AFDN: variants seen among roughly 807,000 people sequenced by gnomAD.
The protein encoded by AFDN is afadin.
AFDN carries 68 observed loss-of-function variants against 216.6 expected under a neutral mutation model. The ratio of observed to expected loss-of-function variants is 0.31; its 90% CI spans 0.26 to 0.38. The LOEUF (loss-of-function observed/expected upper bound fraction) is 0.38, where lower values mean the gene tolerates loss of function less well. Among genes scored for constraint, AFDN ranks in the 10% least tolerant of loss-of-function variants. The pLI is 1.00. For missense variants in AFDN, 2,136 were observed against 2,342.0 expected, an observed-to-expected ratio of 0.91 and a Z score of 1.82; for synonymous variants, 868 against 853.7, an observed-to-expected ratio of 1.02 and a Z score of -0.29.
At chr6:167,891,451 G>GT (rs1787595723) in intron 8 of AFDN, among the ~76,000 whole-genome samples, 4 of 146,304 alleles carry the variant, frequency 2.7e-5, no homozygotes, top group South Asian at 2.2e-4. Context: ...GTGTGTGTGT[G>GT]GCTGTTGTTT....
At chr6:167,857,163 C>T (rs1190926438) in intron 1 of AFDN, among the ~76,000 whole-genome samples, 1 of 151,910 alleles carries the variant, frequency 6.6e-6, no homozygotes, top group East Asian at 1.9e-4. Flanking sequence ...TTCGTAGGAA[C>T]CAGTATGGCT....
chr6:167,826,634 C>G (rs1383974813), upstream of AFDN: 5 of 500,290 alleles, frequency 1.0e-5, no homozygotes, highest in Non-Finnish European at 1.6e-5. Context: ...TTAGATCCAG[C>G]AGCGCGCGTC....
In AFDN at chr6:167,849,317, G is replaced by C. The variant is rs141473867; in HGVS notation, c.106-15234G>C. On this transcript the variant is annotated intron_variant, in intron 1 of 33. Coordinates refer to ENST00000683244, the MANE Select transcript of AFDN (RefSeq NM_001386888.1). ...TTGTATCATGTAATGTAACTTGTGG[G>C]GGGGGAGAGATTTCCAGCAACATGT... 9.7e-3 allele frequency among the ~76,000 whole-genome samples: 1,482 copies of C among 152,168 alleles called. 19 individuals carry two copies. The highest frequency in any genetic ancestry group is 0.014 in the Middle Eastern group (4 of 294).
At chr6:167,954,603 C>A in intron 30 of AFDN, 1 of 840,838 alleles carries the variant, frequency 1.2e-6, no homozygotes, top group Non-Finnish European at 1.8e-6. Flanking sequence ...TTAGGGGTGT[C>A]CTCCATCAGG....
At chr6:167,878,477 A>G (rs1175221190) in intron 5 of AFDN, among the ~76,000 whole-genome samples, 1 of 152,272 alleles carries the variant, frequency 6.6e-6, no homozygotes, top group East Asian at 1.9e-4. Context: ...TCCAAAAGCC[A>G]GGATCTTCTT....
At chr6:167,845,074 C>G (rs937057766) in intron 1 of AFDN, among the ~76,000 whole-genome samples, 3 of 152,048 alleles carry the variant, frequency 2.0e-5, no homozygotes, top group Admixed American at 6.5e-5. Flanking sequence ...GTTGCCCACA[C>G]TGGTCTTGAA....
At position 167,948,307 on chromosome 6, in the gene AFDN, G is replaced by T. The variant is rs149816688; in HGVS notation, c.3660G>T (p.Pro1220=). ...GNLCTEEQTP[P]PRPEAYPIPT... is the part of the protein sequence containing the mutation. Reference sequence around the variant, plus strand: ...ACATTTTACAGGAGCAGACGCCTCCGCCTAGACCTGAAGCCTACCCCATCC... The same window carrying T: ...ACATTTTACAGGAGCAGACGCCTCCTCCTAGACCTGAAGCCTACCCCATCC... Residue 1220 remains proline (P), a synonymous_variant, in exon 29 of 34, where the codon CCG becomes CCT. Transcript: ENST00000683244. 3.1e-6 allele frequency: 5 copies of T among 1,613,120 alleles called. No individual in the cohort carries two copies. Among genetic ancestry groups the T allele is most frequent in the Middle Eastern group, 1.7e-4 (1 of 6,056 alleles).
intron 4 of AFDN, among the ~76,000 whole-genome samples, chr6:167,875,021 G>T (rs1583241201): frequency 6.6e-6 from 1 of 152,054 alleles, no homozygotes; most frequent in Non-Finnish European, 1.5e-5. Flanking sequence ...CTGTTTTAGG[G>T]TAACACTGGT....
intron 29 of AFDN, among the ~76,000 whole-genome samples, chr6:167,949,033 C>T (rs1431798330): frequency 6.6e-6 from 1 of 152,206 alleles, no homozygotes; most frequent in Non-Finnish European, 1.5e-5. Context: ...AGATCTAAGG[C>T]AGTGAAGATA....
In AFDN at chr6:167,914,665, A is replaced by G. The variant is rs145249167; in HGVS notation, c.2226A>G (p.Gln742=). The G allele has an allele frequency of 7.1e-4, 1,138 of 1,612,960 alleles. 9 individuals are homozygous for G. In the African/African-American group the frequency reaches 0.013, roughly 19 times the overall value. Residue 742 remains glutamine, a synonymous_variant, in exon 18 of 34, where the codon CAA becomes CAG. Transcript: ENST00000683244. Reference sequence around the variant, plus strand: ...TCAGATACTTGGTTCACTGTCTTCAATCAGAACTTAATAATTACATGCCAG... The same window carrying G: ...TCAGATACTTGGTTCACTGTCTTCAGTCAGAACTTAATAATTACATGCCAG... ...MAFKYLVHCL[Q]SELNNYMPAF... is the part of the protein sequence containing the mutation.
At chr6:167,869,402 A>G (rs566231269) in intron 2 of AFDN, among the ~76,000 whole-genome samples, 1 of 152,348 alleles carries the variant, frequency 6.6e-6, no homozygotes, top group South Asian at 2.1e-4. Context: ...GGACTTTAAG[A>G]TAAAGAAAGA....
Position 167,911,409 on chromosome 6 carries a change from G to A in AFDN, c.1957G>A (p.Asp653Asn), listed in dbSNP as rs747460486. 2 of 1,614,116 alleles carry A rather than the reference G, an allele frequency of 1.2e-6. No individual in the cohort carries two copies. Among genetic ancestry groups the A allele is most frequent in the Non-Finnish European group, 1.7e-6 (2 of 1,180,026 alleles). ...RYVLSNQYRPDISPTERTHKV... is the reference protein window; with the variant it reads ...RYVLSNQYRPNISPTERTHKV... ...TGTATTGTCCAACCAGTACAGACCT[G>A]ACATCAGCCCTACAGAGCGCACACA... The change falls in exon 15 of 34, where the codon GAC becomes AAC. Residue 653 changes from aspartate (D) to asparagine (N), a missense_variant. By Grantham distance (23) the Asp-to-Asn change is conservative. Around this residue, in one of 8 missense-constraint regions of AFDN, gnomAD observed 817 missense variants for 965.7 expected, o/e 0.85. Coordinates refer to ENST00000683244, the MANE Select transcript of AFDN (RefSeq NM_001386888.1).
chr6:167,887,755 G>A (rs1436050247), intron 6 of AFDN, among the ~76,000 whole-genome samples: 3 of 152,050 alleles, frequency 2.0e-5, no homozygotes, highest in Non-Finnish European at 4.4e-5. Context: ...ACTGTGCCTG[G>A]CCCAGGTTGC....
chr6:167,925,806 C>CT (rs1792447604), intron 23 of AFDN, among the ~76,000 whole-genome samples: 1 of 152,164 alleles, frequency 6.6e-6, no homozygotes, highest in Non-Finnish European at 1.5e-5. Flanking sequence ...ATTATGTTTG[C>CT]TTAGAATGAA....
chr6:167,914,196 C>G lies in AFDN; in HGVS notation c.2087C>G (p.Ala696Gly). ...CAGAAGAATATTGCAGGGGCACTTG[C>G]CTTCTGGATGGCAAATGCATCTGAA... is the stretch of plus-strand genomic sequence containing the variant. ...QKQKNIAGAL[A>G]FWMANASELL... is the part of the protein sequence containing the mutation. Residue 696 changes from alanine to glycine, a missense_variant, in exon 17 of 34, where the codon GCC (alanine) becomes GGC (glycine). Ala to Gly is a moderately conservative substitution (Grantham distance 60). This residue lies in a region of AFDN where 817 missense variants were observed against 965.7 expected (regional missense o/e 0.85). Coordinates refer to ENST00000683244, the MANE Select transcript of AFDN (RefSeq NM_001386888.1). 6.2e-7 allele frequency: 1 copy of G among 1,614,114 alleles called. No homozygotes were observed. Among genetic ancestry groups the G allele is most frequent in the Non-Finnish European group, 8.5e-7 (1 of 1,180,000 alleles).
At chr6:167,926,938 T>G (rs1229302630) in intron 23 of AFDN, among the ~76,000 whole-genome samples, 1 of 152,182 alleles carries the variant, frequency 6.6e-6, no homozygotes, top group African/African-American at 2.4e-5. Flanking sequence ...AAGAACAATT[T>G]TTTTTTACCG....
chr6:167,834,092 G>T (rs547975625), intron 1 of AFDN, among the ~76,000 whole-genome samples: 14 of 152,138 alleles, frequency 9.2e-5, no homozygotes, highest in Middle Eastern at 3.4e-3. Flanking sequence ...GAAAAACTTG[G>T]AATTTTTTTT....
rs1298510058 is a variant in AFDN, at chr6:167,902,352, A to G, written c.1616A>G (p.Asp539Gly). ...VQETTFDLGG[D>G]IHSGTALPTS... ...GAGACAACTTTTGATTTGGGAGGAGATATTCATAGTGGGACAGCATTACCG... is the reference window on the plus strand; with the variant it reads ...GAGACAACTTTTGATTTGGGAGGAGGTATTCATAGTGGGACAGCATTACCG... Residue 539 changes from aspartate to glycine, a missense_variant, in exon 12 of 34, where the codon GAT (aspartate) becomes GGT (glycine). By Grantham distance (94) the Asp-to-Gly change is moderately conservative. Coordinates refer to ENST00000683244, the MANE Select transcript of AFDN (RefSeq NM_001386888.1). The G allele has an allele frequency of 1.2e-6, 2 of 1,613,034 alleles. No individual in the cohort carries two copies. The highest frequency in any genetic ancestry group is 1.7e-4 in the Middle Eastern group (1 of 6,056).
chr6:167,943,120 T>C lies in AFDN; in HGVS notation c.3100-9T>C. On this transcript the variant is annotated splice_polypyrimidine_tract_variant and intron_variant, in intron 23 of 33. Transcript: ENST00000683244. Reference sequence around the variant, plus strand: ...TCAATGCAGTGTTTTCGCCTTGTTTTTGCAATAGGGTGCTGGTCAAGATAA... The same window carrying C: ...TCAATGCAGTGTTTTCGCCTTGTTTCTGCAATAGGGTGCTGGTCAAGATAA... 1 of 1,612,674 alleles carries C rather than the reference T, an allele frequency of 6.2e-7. No homozygotes were observed. Among genetic ancestry groups the C allele is most frequent in the Non-Finnish European group, 8.5e-7 (1 of 1,179,416 alleles).
Sources: allele counts gnomAD v4.1 joint callset (sites outside exome capture counted in the v4.1 genomes callset), GRCh38; gene constraint gnomAD v4.1.1; regional missense constraint gnomAD v4.1.1; transcripts MANE v1.5; gene names NCBI Gene and HGNC (gene_info 2026-07-23, HGNC 2026-07-21).